Variants in MYRFL observed in about 807,000 individuals in gnomAD.
MYRFL encodes the protein myelin regulatory factor like.
Under a neutral mutation model 109.4 loss-of-function variants are expected in MYRFL, and 88 were observed. That is an observed-to-expected ratio of 0.80 (90% CI 0.68 to 0.96). MYRFL has a LOEUF of 0.96. MYRFL is among the 40% of genes least tolerant of loss of function. MYRFL has a pLI of 0.00. For missense variants in MYRFL, 957 were observed against 954.9 expected (o/e 1.00, Z -0.03); for synonymous variants, 324 against 320.9 (o/e 1.01, Z -0.10).
chr12:69,862,706 C>T lies in MYRFL; in HGVS notation c.137+7336C>T, dbSNP rs1420216917. Among the ~76,000 whole-genome samples, 66 of 151,894 alleles carry T rather than the reference C, an allele frequency of 4.3e-4. No individual in the cohort carries two copies. The South Asian group carries it at 0.012, about 27-fold the overall frequency. ...CATGTCATCTGCAAACAGGGACAAT[C>T]TGACTTCCTCTTTTCCTAATTGAAT... On this transcript the variant is annotated intron_variant, in intron 2 of 24. Coordinates refer to ENST00000552032, the MANE Select transcript of MYRFL (RefSeq NM_182530.3).
intron 2 of MYRFL, among the ~76,000 whole-genome samples, chr12:69,856,789 T>C (rs761945589): frequency 6.6e-6 from 1 of 152,034 alleles, no homozygotes; most frequent in Non-Finnish European, 1.5e-5. Context: ...ATATTCTGGA[T>C]ATAAAAAGTT....
At chr12:69,910,734 T>G in intron 12 of MYRFL, 87 bp from the exon 13 acceptor site, 1 of 886,560 alleles carries the variant, frequency 1.1e-6, no homozygotes, top group Non-Finnish European at 1.7e-6. Flanking sequence ...TGCAAATGTA[T>G]TGTAGATCAA....
At position 69,861,751 on chromosome 12, in the gene MYRFL, A is replaced by C. The variant is rs532057118; in HGVS notation, c.137+6381A>C. On this transcript the variant is annotated intron_variant, in intron 2 of 24. Coordinates refer to ENST00000552032, the MANE Select transcript of MYRFL (RefSeq NM_182530.3). The stretch of plus-strand genomic sequence containing the variant: ...TTGCTGTGCAGAAGCTCTTTAGTTT[A>C]ATTAGATCCCATTTGTCAATTTTGG... Among the ~76,000 whole-genome samples, 433 of 150,242 alleles carry C rather than the reference A, an allele frequency of 2.9e-3. 1 individual carries two copies. The highest frequency in any genetic ancestry group is 0.01 in the African/African-American group (414 of 41,120).
At chr12:69,925,369 G>T (rs562253763) in intron 13 of MYRFL, among the ~76,000 whole-genome samples, 2 of 152,160 alleles carry the variant, frequency 1.3e-5, no homozygotes, top group Non-Finnish European at 2.9e-5. Context: ...TTCAGCTTTT[G>T]ATTCTTTCTG....
intron 2 of MYRFL, among the ~76,000 whole-genome samples, chr12:69,860,461 T>G (rs778414461): frequency 1.8e-4 from 27 of 152,318 alleles, no homozygotes; most frequent in Middle Eastern, 3.4e-3. Context: ...GTAACCTATA[T>G]ATATCAAATT....
chr12:69,894,754 T>G (rs969369483), intron 8 of MYRFL, among the ~76,000 whole-genome samples: 1 of 152,262 alleles, frequency 6.6e-6, no homozygotes, highest in African/African-American at 2.4e-5. Flanking sequence ...TTGGCAGGGA[T>G]GCAGTGGAGA....
chr12:69,857,264 C>T (rs1183672855), intron 2 of MYRFL, among the ~76,000 whole-genome samples: 1 of 151,878 alleles, frequency 6.6e-6, no homozygotes, highest in Admixed American at 6.6e-5. Flanking sequence ...ATCTTGATTA[C>T]TGTACATGAT....
chr12:69,953,341 C>T (rs538964505), intron 21 of MYRFL, among the ~76,000 whole-genome samples: 2 of 152,268 alleles, frequency 1.3e-5, no homozygotes, highest in South Asian at 2.1e-4. Flanking sequence ...AGGAAAAAAT[C>T]AGATATGGCA....
chr12:69,879,985 T>C (rs2136332788), intron 4 of MYRFL, among the ~76,000 whole-genome samples: 2 of 152,334 alleles, frequency 1.3e-5, no homozygotes, highest in South Asian at 4.1e-4. Context: ...CAATGAGTCC[T>C]CTGCCATTAT....
chr12:69,891,561 A>ATTTCTTTC (rs60757761), intron 7 of MYRFL, among the ~76,000 whole-genome samples: 14,512 of 114,188 alleles, frequency 0.13, 1,351 homozygotes, highest in Middle Eastern at 0.16. Flanking sequence ...AAAGGTGTCA[A>ATTTCTTTC]TTTCTTTCTT....
In MYRFL at chr12:69,910,871, G is replaced by C. The variant is rs1275497004; in HGVS notation, c.1543G>C (p.Val515Leu). The change falls in exon 13 of 25, where the codon GTT (valine) becomes CTT (leucine). Residue 515 changes from valine (V) to leucine (L), a missense_variant. Physicochemically the swap from Val to Leu is conservative, Grantham distance 32 (BLOSUM62 1). Coordinates refer to ENST00000552032, the MANE Select transcript of MYRFL (RefSeq NM_182530.3). ...QEILPRAVRE[V>L]GDVTCGNGET... ...AATCCTGCCCAGAGCAGTAAGAGAG[G>C]TTGGTGATGTCACCTGCGGAAACGG... 3.3e-6 allele frequency: 5 copies of C among 1,535,296 alleles called. No individual in the cohort carries two copies. Among genetic ancestry groups the C allele is most frequent in the Non-Finnish European group, 4.4e-6 (5 of 1,146,422 alleles).
At chr12:69,850,964 C>T (rs1883842644) in intron 1 of MYRFL, among the ~76,000 whole-genome samples, 1 of 152,064 alleles carries the variant, frequency 6.6e-6, no homozygotes, top group Admixed American at 6.5e-5. Flanking sequence ...AAGAAATTCA[C>T]CGCATACAAG....
intron 19 of MYRFL, among the ~76,000 whole-genome samples, chr12:69,947,715 C>T (rs953971141): frequency 6.6e-6 from 1 of 152,088 alleles, no homozygotes; most frequent in Non-Finnish European, 1.5e-5. Context: ...GACCATGACT[C>T]TGAGAAAAGT....
chr12:69,943,185 TAA>T (rs1955719448), intron 19 of MYRFL, among the ~76,000 whole-genome samples: 1 of 151,756 alleles, frequency 6.6e-6, no homozygotes, highest in Non-Finnish European at 1.5e-5. Context: ...AAAACTACTT[TAA>T]AGTTCATATG....
intron 1 of MYRFL, among the ~76,000 whole-genome samples, chr12:69,851,258 G>A (rs1233148855): frequency 6.6e-6 from 1 of 151,830 alleles, no homozygotes; most frequent in East Asian, 1.9e-4. Context: ...TTATTACCTG[G>A]ATGATGGGAT....
At position 69,905,466 on chromosome 12, in the gene MYRFL, A is replaced by G. The variant is rs150042815; in HGVS notation, c.1383+1622A>G. On this transcript the variant is annotated intron_variant, in intron 11 of 24. Coordinates refer to ENST00000552032, the MANE Select transcript of MYRFL (RefSeq NM_182530.3). ...TCTGTATCCCCTTCCTGCTCATGGCAGCATGATAGAATAAAGAAAATCCTG... is the reference window on the plus strand; with the variant it reads ...TCTGTATCCCCTTCCTGCTCATGGCGGCATGATAGAATAAAGAAAATCCTG... 1.5e-3 allele frequency among the ~76,000 whole-genome samples: 235 copies of G among 152,312 alleles called. 1 individual carries two copies. The highest frequency in any genetic ancestry group is 5.0e-3 in the African/African-American group (209 of 41,574).
intron 5 of MYRFL, among the ~76,000 whole-genome samples, chr12:69,886,114 CA>C (rs1174552637): frequency 6.6e-6 from 1 of 151,766 alleles, no homozygotes; most frequent in Non-Finnish European, 1.5e-5. Context: ...CTGCCTTGTG[CA>C]AAAAAAGCAA....
chr12:69,901,590 A>T (rs1221649537), intron 10 of MYRFL, among the ~76,000 whole-genome samples: 1 of 152,244 alleles, frequency 6.6e-6, no homozygotes. Flanking sequence ...AAAGCTCATT[A>T]TGAAAAAATT....
chr12:69,932,493 A>G lies in MYRFL; in HGVS notation c.1831-20A>G, dbSNP rs1394266549. The stretch of plus-strand genomic sequence containing the variant: ...TAGAGTTGCTAATTTATCACTGCTC[A>G]TTACTGAACCTTTTTATAGGTTTAT... On this transcript the variant is annotated intron_variant, in intron 15 of 24. Transcript: ENST00000552032. 13 of 1,511,814 alleles carry G rather than the reference A, an allele frequency of 8.6e-6. No homozygotes were observed. The East Asian group carries it at 2.9e-4, about 34-fold the overall frequency. 93.6% of individuals were successfully genotyped at this position (1,511,814 alleles called of 1,614,324 possible). A position where few individuals can be genotyped will look rare whatever the true frequency, so the allele number is the denominator to read the frequency against.
Sources: gnomAD v4.1 joint callset for allele counts (sites outside exome capture counted in the v4.1 genomes callset) on GRCh38, gnomAD v4.1.1 for gene constraint, MANE v1.5 for transcripts, NCBI Gene and HGNC (gene_info 2026-07-23, HGNC 2026-07-21) for gene names.